CLECL1: variants seen among roughly 807,000 people sequenced by gnomAD.
CLECL1 encodes the protein C-type lectin like 1.
downstream of CLECL1, chr12:9,722,636 A>C (rs1303977881): frequency 1.2e-6 from 2 of 1,608,594 alleles, no homozygotes; most frequent in East Asian, 2.2e-5. Flanking sequence ...CTAAATGTTA[A>C]ATCTCACCAT....
rs1016617605 is a variant in CLECL1 at position 9,732,933 on chromosome 12, C to T, written n.82+16G>A. 1 of 1,569,786 alleles carries T rather than the reference C, an allele frequency of 6.4e-7. No individual in the cohort carries two copies. Among genetic ancestry groups the T allele is most frequent in the Non-Finnish European group, 8.7e-7 (1 of 1,155,582 alleles). On this transcript the variant is annotated intron_variant and non_coding_transcript_variant, in intron 1 of 3. Coordinates refer to ENST00000621400, the Ensembl canonical transcript of CLECL1. ...GTAAAATCTTAATTCTCAAAGGCAC[C>T]CTAAATCCAGCTTACCAGATCTCTG...
downstream of CLECL1, among the ~76,000 whole-genome samples, chr12:9,720,914 G>A (rs1451426283): frequency 6.6e-6 from 1 of 152,200 alleles, no homozygotes; most frequent in African/African-American, 2.4e-5. Flanking sequence ...AATAAGCAAG[G>A]ATGTGTTTCC....
chr12:9,730,836 C>T (rs749844244), intron 1 of CLECL1, among the ~76,000 whole-genome samples: 4 of 152,150 alleles, frequency 2.6e-5, no homozygotes, highest in East Asian at 3.9e-4. Context: ...AATACAGGCA[C>T]GTGTCACCAT....
chr12:9,722,467 G>GAAA (rs34774966), downstream of CLECL1: 2,311 of 1,075,836 alleles, frequency 2.1e-3, 23 homozygotes, highest in African/African-American at 0.026. Context: ...CTCCTAGCCG[G>GAAA]AAAAAAAAAA....
the CLECL1 span, among the ~76,000 whole-genome samples, chr12:9,708,371 T>C: frequency 6.6e-6 from 1 of 152,300 alleles, no homozygotes; most frequent in Non-Finnish European, 1.5e-5. Context: ...CGACCCCTGC[T>C]GGCTGAGAAC....
intron 3 of CLECL1, among the ~76,000 whole-genome samples, chr12:9,727,524 G>A (rs1247850741): frequency 6.6e-6 from 1 of 151,700 alleles, no homozygotes; most frequent in Non-Finnish European, 1.5e-5. Flanking sequence ...TACTATTCAT[G>A]CTTGGTTACT....
At chr12:9,718,782 C>A (rs1161956212), downstream of CLECL1, 1 of 700,056 alleles carries the variant, frequency 1.4e-6, no homozygotes, top group Non-Finnish European at 2.6e-6. Flanking sequence ...CAGCTGAAAA[C>A]CAAGGAGAGA....
the CLECL1 span, among the ~76,000 whole-genome samples, chr12:9,702,555 G>A: frequency 0.056 from 8,539 of 152,240 alleles, 258 homozygotes; most frequent in African/African-American, 0.071. Flanking sequence ...GCTTGAGGAT[G>A]TGTGGCTCTT....
chr12:9,715,756 C>G (rs1414084801), downstream of CLECL1: 1 of 152,566 alleles, frequency 6.6e-6, no homozygotes, highest in African/African-American at 2.4e-5. Context: ...CCAGTTCTCG[C>G]CTTTATTCTG....
chr12:9,729,778 T>G (rs1034355774), intron 1 of CLECL1, among the ~76,000 whole-genome samples: 9 of 151,880 alleles, frequency 5.9e-5, no homozygotes, highest in Non-Finnish European at 8.8e-5. Context: ...ATCATGTTCC[T>G]GAGTTACTTT....
At chr12:9,710,765 T>A in the CLECL1 span, among the ~76,000 whole-genome samples, 1 of 152,184 alleles carries the variant, frequency 6.6e-6, no homozygotes, top group East Asian at 1.9e-4. Flanking sequence ...GGTAGGCCAC[T>A]GACTGACAGA....
At chr12:9,720,544 G>A (rs1173124087), downstream of CLECL1, among the ~76,000 whole-genome samples, 2 of 152,088 alleles carry the variant, frequency 1.3e-5, no homozygotes, top group African/African-American at 2.4e-5. Context: ...GTTTCTCCAT[G>A]TTGGTCAGGC....
At position 9,732,944 on chromosome 12, in the gene CLECL1, C is replaced by A; in HGVS notation, n.82+5G>T. On this transcript the variant is annotated splice_donor_5th_base_variant and intron_variant and non_coding_transcript_variant, in intron 1 of 3. Transcript: ENST00000621400. ...ATTCTCAAAGGCACCCTAAATCCAG[C>A]TTACCAGATCTCTGAAGTGGAAACG... 1 of 1,588,736 alleles carries A rather than the reference C, an allele frequency of 6.3e-7. No individual in the cohort carries two copies. The highest frequency in any genetic ancestry group is 1.1e-5 in the South Asian group (1 of 87,818).
At chr12:9,726,016 C>G (rs1480128126) in intron 3 of CLECL1, among the ~76,000 whole-genome samples, 5 of 152,006 alleles carry the variant, frequency 3.3e-5, no homozygotes, top group Non-Finnish European at 1.5e-5. Flanking sequence ...TAGCTACACC[C>G]TGCCCTCTTA....
chr12:9,727,874 T>G (rs1866398466), intron 2 of CLECL1, among the ~76,000 whole-genome samples: 1 of 151,762 alleles, frequency 6.6e-6, no homozygotes, highest in Non-Finnish European at 1.5e-5. Flanking sequence ...TTAGCAATGT[T>G]AACTTTAAAA....
downstream of CLECL1, among the ~76,000 whole-genome samples, chr12:9,721,822 G>A (rs185829110): frequency 3.4e-4 from 51 of 152,204 alleles, no homozygotes; most frequent in African/African-American, 1.2e-3. Flanking sequence ...AGTTTGCTGC[G>A]CCTGACAGAG....
rs1039535975 is a variant in CLECL1, at chr12:9,723,249, G to T, written n.263-436C>A. On this transcript the variant is annotated intron_variant and non_coding_transcript_variant, in intron 3 of 3. Coordinates refer to ENST00000621400, the Ensembl canonical transcript of CLECL1. ...ACAAGCAAAATTTGTGCTATAGGCA[G>T]TCCCCCAAAATCAAATAGGTTCATC... is the stretch of plus-strand genomic sequence containing the variant. Among the ~76,000 whole-genome samples the T allele has an allele frequency of 3.3e-5, 5 of 152,230 alleles. No individual in the cohort carries two copies. The East Asian group carries it at 9.6e-4, about 29-fold the overall frequency.
chr12:9,705,543 A>G, the CLECL1 span, among the ~76,000 whole-genome samples: 1 of 151,538 alleles, frequency 6.6e-6, no homozygotes, highest in South Asian at 2.1e-4. Flanking sequence ...TGGGTTTTAC[A>G]CTAAAGTCTT....
chr12:9,726,944 A>C (rs2401395), intron 3 of CLECL1, among the ~76,000 whole-genome samples: 80,845 of 151,526 alleles, frequency 0.53, 21,860 homozygotes, highest in African/African-American at 0.61. Context: ...CCAATGTAAA[A>C]TCTTAATTAA....
Sources: gnomAD v4.1 joint callset for allele counts (sites outside exome capture counted in the v4.1 genomes callset) on GRCh38, gnomAD v4.1.1 for gene constraint, MANE v1.5 for transcripts, NCBI Gene and HGNC (gene_info 2026-07-23, HGNC 2026-07-21) for gene names.